The following MICAL2 variants were observed in gnomAD, a reference collection of about 807,000 sequenced individuals.
The protein encoded by MICAL2 is microtubule associated monooxygenase, calponin and LIM domain containing 2, also known as [F-actin]-monooxygenase MICAL2.
MICAL2 carries 77 observed loss-of-function variants against 127.3 expected under a neutral mutation model. That is an observed-to-expected ratio of 0.60 (90% CI 0.50 to 0.73). MICAL2 has a LOEUF of 0.73. MICAL2 is among the 30% of genes least tolerant of loss of function. MICAL2 has a pLI of 0.00. For missense variants in MICAL2, 1,351 were observed against 1,434.4 expected, an observed-to-expected ratio of 0.94 and a Z score of 0.94; for synonymous variants, 570 against 551.1, an observed-to-expected ratio of 1.03 and a Z score of -0.48.
intron 1 of MICAL2, among the ~76,000 whole-genome samples, chr11:12,114,227 G>A (rs1391883313): frequency 6.6e-6 from 1 of 152,212 alleles, no homozygotes; most frequent in Middle Eastern, 3.4e-3. Context: ...ATATTTTAAA[G>A]CAAATGTCTA....
intron 32 of MICAL2, among the ~76,000 whole-genome samples, chr11:12,338,736 A>G (rs1938809995): frequency 6.6e-6 from 1 of 152,294 alleles, no homozygotes; most frequent in African/African-American, 2.4e-5. Flanking sequence ...CTGGATATGA[A>G]ATTCTGGGTT....
At position 12,221,679 on chromosome 11, in the gene MICAL2, C is replaced by G; in HGVS notation, c.1242C>G (p.Gly414=). 1 of 1,613,852 alleles carries G rather than the reference C, an allele frequency of 6.2e-7. No individual in the cohort carries two copies. The highest frequency in any genetic ancestry group is 8.5e-7 in the Non-Finnish European group (1 of 1,179,870). Residue 414 remains glycine, a synonymous_variant, in exon 10 of 28, where the codon GGC becomes GGG. Transcript: ENST00000683283. ...FWPMGTGCAR[G]FLAAFDTAWM... Reference sequence around the variant, plus strand: ...CCATGGGTACAGGCTGTGCCCGTGGCTTCCTGGCAGCCTTTGACACGGCAT... The same window carrying G: ...CCATGGGTACAGGCTGTGCCCGTGGGTTCCTGGCAGCCTTTGACACGGCAT...
At chr11:12,226,928 C>A in intron 14 of MICAL2, 97 bp from the exon 15 acceptor site, 1 of 908,062 alleles carries the variant, frequency 1.1e-6, no homozygotes, top group Non-Finnish European at 1.8e-6. Context: ...GCTGGGATTA[C>A]AGGCGTGAGC....
At chr11:12,301,379 A>G (rs1409712430) in intron 29 of MICAL2, among the ~76,000 whole-genome samples, 1 of 152,198 alleles carries the variant, frequency 6.6e-6, no homozygotes, top group Non-Finnish European at 1.5e-5. Flanking sequence ...TGACTATATC[A>G]TAATTTATTC....
At chr11:12,251,704 A>T (rs1861588000) in intron 22 of MICAL2, among the ~76,000 whole-genome samples, 1 of 151,470 alleles carries the variant, frequency 6.6e-6, no homozygotes, top group Non-Finnish European at 1.5e-5. Context: ...TTCATCCTGG[A>T]TCCCCTGCGC....
chr11:12,321,021 T>C (rs1864288534), intron 30 of MICAL2, among the ~76,000 whole-genome samples: 1 of 152,084 alleles, frequency 6.6e-6, no homozygotes, highest in African/African-American at 2.4e-5. Flanking sequence ...ATATTCAAAT[T>C]AGGCAGAGAT....
intron 19 of MICAL2, 54 bp downstream of exon 19, chr11:12,242,486 T>A (rs1433172266): frequency 6.5e-7 from 1 of 1,546,058 alleles, no homozygotes; most frequent in African/African-American, 1.4e-5. Context: ...ACTTCCTTTC[T>A]TCCCCTCCCT....
intron 4 of MICAL2, 80 bp from the exon 5 acceptor site, chr11:12,207,943 G>A: frequency 3.8e-6 from 4 of 1,060,998 alleles, no homozygotes; most frequent in Non-Finnish European, 5.9e-6. Flanking sequence ...TCACTGAGCG[G>A]CAGTGATTAT....
rs531861063 is a variant in MICAL2, at chr11:12,140,534, G to A, written c.-78+2074G>A. 7.0e-4 allele frequency among the ~76,000 whole-genome samples: 101 copies of A among 145,062 alleles called. 1 individual carries two copies. The highest frequency in any genetic ancestry group is 3.5e-3 in the Middle Eastern group (1 of 282). On this transcript the variant is annotated intron_variant, in intron 2 of 27. Transcript: ENST00000683283. The stretch of plus-strand genomic sequence containing the variant: ...TTTTTTTGGCCACTCTCAACCATAA[G>A]TGGACCCTCTTTGGCAGCAAAGAGA...
intron 3 of MICAL2, 109 bp from the exon 4 acceptor site, chr11:12,204,141 G>A (rs1854373756): frequency 9.9e-7 from 1 of 1,014,670 alleles, no homozygotes; most frequent in Middle Eastern, 3.2e-4. Flanking sequence ...GCACTTGCTG[G>A]TTGGTTCAGG....
intron 2 of MICAL2, among the ~76,000 whole-genome samples, chr11:12,139,526 G>A (rs1852144469): frequency 6.6e-6 from 1 of 152,298 alleles, no homozygotes. Context: ...TGCATGTCAG[G>A]GCATTTGGCA....
At chr11:12,262,070 G>T (rs576374632) in intron 26 of MICAL2, 16 of 1,081,248 alleles carry the variant, frequency 1.5e-5, no homozygotes, top group Non-Finnish European at 1.4e-5. Context: ...GAGACAGGGC[G>T]TGCCTGTCAG....
chr11:12,289,209 G>T (rs932805168), downstream of MICAL2, among the ~76,000 whole-genome samples: 14 of 152,244 alleles, frequency 9.2e-5, no homozygotes, highest in South Asian at 2.1e-4. Flanking sequence ...AAACTCAGGC[G>T]CTGGTGTGCG....
chr11:12,337,885 GT>G (rs941598717), intron 32 of MICAL2, among the ~76,000 whole-genome samples: 2 of 152,108 alleles, frequency 1.3e-5, no homozygotes, highest in African/African-American at 4.8e-5. Flanking sequence ...TATGTGGTCA[GT>G]TTTGGAATAG....
intron 29 of MICAL2, among the ~76,000 whole-genome samples, chr11:12,308,372 C>G (rs1297188897): frequency 6.6e-6 from 1 of 152,082 alleles, no homozygotes; most frequent in East Asian, 1.9e-4. Context: ...TAAACTGACA[C>G]CTGTTTGGTC....
intron 2 of MICAL2, among the ~76,000 whole-genome samples, chr11:12,283,663 T>C (rs1391434289): frequency 6.6e-6 from 1 of 152,200 alleles, no homozygotes; most frequent in African/African-American, 2.4e-5. Flanking sequence ...GCAGGGTAAG[T>C]GTACTTAATG....
At chr11:12,226,670 T>G (rs1451809048) in intron 14 of MICAL2, among the ~76,000 whole-genome samples, 4 of 127,692 alleles carry the variant, frequency 3.1e-5, no homozygotes, top group Non-Finnish European at 5.0e-5. Context: ...TTTTTTTTTT[T>G]GAGAGGGAGT....
chr11:12,189,955 G>A (rs1858869314), intron 3 of MICAL2, among the ~76,000 whole-genome samples: 1 of 152,224 alleles, frequency 6.6e-6, no homozygotes, highest in South Asian at 2.1e-4. Context: ...CAGTAATCAT[G>A]GGCAGTCGGG....
At chr11:12,284,214 T>G (rs1326986196) in intron 2 of MICAL2, among the ~76,000 whole-genome samples, 6 of 152,186 alleles carry the variant, frequency 3.9e-5, no homozygotes, top group Admixed American at 3.9e-4. Context: ...GAATTGATAT[T>G]TATCCATCTT....
Sources: allele counts gnomAD v4.1 joint callset (sites outside exome capture counted in the v4.1 genomes callset), GRCh38; gene constraint gnomAD v4.1.1; transcripts MANE v1.5; gene names NCBI Gene and HGNC (gene_info 2026-07-23, HGNC 2026-07-21).